PCDHGB4: variants seen among roughly 807,000 people sequenced by gnomAD.
The protein encoded by PCDHGB4 is protocadherin gamma-B4.
A neutral mutation model predicts 60.5 loss-of-function variants in PCDHGB4; 38 were observed. The ratio of observed to expected loss-of-function variants is 0.63; its 90% confidence interval spans 0.48 to 0.82. PCDHGB4 has a LOEUF of 0.82. PCDHGB4 is among the 40% of genes least tolerant of loss of function. The pLI is 0.00. For synonymous variants in PCDHGB4, 456 were observed against 509.7 expected (o/e 0.89, Z 1.42); for missense variants, 1,109 against 1,209.6 (o/e 0.92, Z 1.23).
At chr5:141,481,193 A>AT (rs1437708630) in intron 1 of PCDHGB4, among the ~76,000 whole-genome samples, 4 of 152,216 alleles carry the variant, frequency 2.6e-5, no homozygotes, top group African/African-American at 7.2e-5. Context: ...GCCAGGCCCA[A>AT]TTTTTTTAAA....
At chr5:141,414,085 G>C (rs1459185694) in intron 1 of PCDHGB4, 1 of 1,600,126 alleles carries the variant, frequency 6.2e-7, no homozygotes, top group Non-Finnish European at 8.5e-7. Context: ...ATATACTGGA[G>C]AAATAAAAAT....
At chr5:141,466,281 C>T (rs555506496) in intron 1 of PCDHGB4, among the ~76,000 whole-genome samples, 76 of 152,252 alleles carry the variant, frequency 5.0e-4, no homozygotes, top group African/African-American at 1.7e-3. Context: ...AGCAATCTTC[C>T]CACCTCAGGC....
At position 141,490,597 on chromosome 5, in the gene PCDHGB4, C is replaced by G. The variant is rs781077720; in HGVS notation, c.2398-4210C>G. 1 of 1,614,182 alleles carries G rather than the reference C, an allele frequency of 6.2e-7. No homozygotes were observed. On this transcript the variant is annotated intron_variant, in intron 1 of 3. Transcript: ENST00000519479. This position sits in a 1 kb window ranked among gnomAD's most constrained non-coding sequence, Gnocchi z 5.4. ...TTCAGATGTCAATGACAATGCACCC[C>G]GCTTCAACCAGCAGCTTTACACTGC...
intron 1 of PCDHGB4, chr5:141,427,597 T>C: frequency 1.5e-6 from 1 of 682,152 alleles, no homozygotes; most frequent in Non-Finnish European, 2.7e-6. Context: ...AGCCTCACCC[T>C]ACGCATTGGT....
chr5:141,447,225 C>T (rs966197293), intron 1 of PCDHGB4, among the ~76,000 whole-genome samples: 9 of 151,960 alleles, frequency 5.9e-5, no homozygotes, highest in African/African-American at 7.3e-5. Flanking sequence ...CTGCAACCTC[C>T]GCCTCCCGGG....
Position 141,414,286 on chromosome 5 carries a change from G to T in PCDHGB4, c.2397+24005G>T, listed in dbSNP as rs2095728607. On this transcript the variant is annotated intron_variant, in intron 1 of 3. Transcript: ENST00000519479. Reference sequence around the variant, plus strand: ...AGATTCACCTCTGGGAACAGTCGTAGCCCTTTTAAATGTGCATGATTTAGA... The same window carrying T: ...AGATTCACCTCTGGGAACAGTCGTATCCCTTTTAAATGTGCATGATTTAGA... 1.2e-6 allele frequency: 2 copies of T among 1,613,466 alleles called. No homozygotes were observed. The highest frequency in any genetic ancestry group is 1.7e-6 in the Non-Finnish European group (2 of 1,179,778).
At chr5:141,403,873 A>G in intron 1 of PCDHGB4, 1 of 1,613,840 alleles carries the variant, frequency 6.2e-7, no homozygotes, top group Non-Finnish European at 8.5e-7. Flanking sequence ...CAAAAAGTCT[A>G]GATTATGAAG....
At chr5:141,479,048 C>A (rs1253895615) in intron 1 of PCDHGB4, among the ~76,000 whole-genome samples, 1 of 152,150 alleles carries the variant, frequency 6.6e-6, no homozygotes, top group Admixed American at 6.5e-5. Flanking sequence ...GTACCTCATT[C>A]TCAGATAATT....
chr5:141,504,824 C>T (rs537283013), intron 2 of PCDHGB4, among the ~76,000 whole-genome samples: 4 of 152,230 alleles, frequency 2.6e-5, no homozygotes, highest in South Asian at 4.1e-4. Context: ...TAGGTCCCCA[C>T]TTTTTCTCTA....
intron 1 of PCDHGB4, among the ~76,000 whole-genome samples, chr5:141,474,165 A>G (rs1444314307): frequency 6.6e-6 from 1 of 152,234 alleles, no homozygotes; most frequent in Non-Finnish European, 1.5e-5. Context: ...GACAGGCCTT[A>G]TTATTGAGAA....
At chr5:141,420,314 A>C (rs1454977890) in intron 1 of PCDHGB4, 1 of 1,442,690 alleles carries the variant, frequency 6.9e-7, no homozygotes. Flanking sequence ...TTTATATTAC[A>C]ATATGCCAAT....
In PCDHGB4 at chr5:141,450,775, C is replaced by T. The variant is rs561501224; in HGVS notation, c.2398-44032C>T. ...GTGCCGGGATTACAGGCATGAGCCA[C>T]CGTGCCCGGACCTCATGATTGTATT... On this transcript the variant is annotated intron_variant, in intron 1 of 3. Coordinates refer to ENST00000519479, the MANE Select transcript of PCDHGB4 (RefSeq NM_003736.4). Among the ~76,000 whole-genome samples the T allele has an allele frequency of 2.3e-3, 352 of 151,748 alleles. 1 individual carries two copies. The highest frequency in any genetic ancestry group is 4.5e-3 in the Non-Finnish European group (306 of 67,958).
Position 141,485,086 on chromosome 5 carries a change from A to T in PCDHGB4, c.2398-9721A>T. 1.0e-6 allele frequency: 1 copy of T among 999,576 alleles called. No individual in the cohort carries two copies. Among genetic ancestry groups the T allele is most frequent in the Non-Finnish European group, 1.5e-6 (1 of 651,740 alleles). 61.9% of individuals were successfully genotyped at this position (999,576 alleles called of 1,614,324 possible). A position where few individuals can be genotyped will look rare whatever the true frequency, so the allele number is the denominator to read the frequency against. On this transcript the variant is annotated intron_variant, in intron 1 of 3. Transcript: ENST00000519479. The surrounding 1 kb of genome is among the most constrained non-coding windows in gnomAD (Gnocchi z 5.7). The stretch of plus-strand genomic sequence containing the variant: ...CCAGAGCTGGCGCGGGGAAAGGGAG[A>T]TAGGTGTCTCCAGCTGCTGTGGCTG...
intron 3 of PCDHGB4, among the ~76,000 whole-genome samples, chr5:141,509,620 C>G (rs1321910971): frequency 6.6e-6 from 1 of 152,188 alleles, no homozygotes; most frequent in African/African-American, 2.4e-5. Context: ...TAAACAAGTT[C>G]CTGGGTGATG....
chr5:141,415,765 T>G (rs1386091482), intron 1 of PCDHGB4: 1 of 1,364,078 alleles, frequency 7.3e-7, no homozygotes, highest in South Asian at 1.7e-5. Flanking sequence ...TTTTTTTTTT[T>G]TTTTTTTACT....
chr5:141,419,072 G>C (rs17208397), intron 1 of PCDHGB4: 242,774 of 1,613,756 alleles, frequency 0.15, 19,855 homozygotes, highest in Non-Finnish European at 0.17. Context: ...CTACAAGCTA[G>C]TAACAGATGA....
At chr5:141,419,190 A>G in intron 1 of PCDHGB4, 1 of 1,613,930 alleles carries the variant, frequency 6.2e-7, no homozygotes, top group South Asian at 1.1e-5. Flanking sequence ...CACATTACTG[A>G]CGTCAATGAC....
chr5:141,388,256 G>T lies in PCDHGB4; in HGVS notation c.372G>T (p.Glu124Asp). The T allele has an allele frequency of 6.2e-7, 1 of 1,611,074 alleles. No individual in the cohort carries two copies. Among genetic ancestry groups the T allele is most frequent in the Non-Finnish European group, 8.5e-7 (1 of 1,178,196 alleles). Residue 124 changes from glutamate (E) to aspartate (D), a missense_variant, in exon 1 of 4, where the codon GAG becomes GAT. This residue lies in a region of PCDHGB4 where 1,068 missense variants were observed against 1,089.9 expected (regional missense o/e 0.98). Transcript: ENST00000519479. ...LNFYHVNVEI[E>D]DINDHTPKFT... ...TTTATCACGTGAATGTGGAGATCGA[G>T]GACATTAATGACCACACGCCAAAAT...
intron 1 of PCDHGB4, among the ~76,000 whole-genome samples, chr5:141,483,913 C>G (rs988014158): frequency 6.7e-6 from 1 of 148,188 alleles, no homozygotes; most frequent in African/African-American, 2.5e-5. Context: ...GTTTCCCACT[C>G]AGATTGCAGG....
Sources: gnomAD v4.1 joint callset for allele counts (sites outside exome capture counted in the v4.1 genomes callset) on GRCh38, gnomAD v4.1.1 for gene constraint, gnomAD v4.1.1 regional missense constraint, Gnocchi (gnomAD v3.1) non-coding constraint, MANE v1.5 for transcripts, NCBI Gene and HGNC (gene_info 2026-07-23, HGNC 2026-07-21) for gene names.